FAM13A: variants seen among roughly 807,000 people sequenced by gnomAD.
FAM13A encodes the protein protein FAM13A.
Under a neutral mutation model 129.6 loss-of-function variants are expected in FAM13A, and 76 were observed. That is an observed-to-expected ratio of 0.59 (90% CI 0.49 to 0.71). FAM13A has a LOEUF of 0.71. Among genes scored for constraint, FAM13A ranks in the 30% least tolerant of loss-of-function variants. The pLI is 0.00. For missense variants in FAM13A, 1,108 were observed against 1,249.3 expected (o/e 0.89, Z 1.70); for synonymous variants, 443 against 449.9 (o/e 0.98, Z 0.20).
chr4:88,919,214 T>C (rs975340235), intron 5 of FAM13A, among the ~76,000 whole-genome samples: 3 of 152,234 alleles, frequency 2.0e-5, no homozygotes, highest in African/African-American at 4.8e-5. Flanking sequence ...AAACCTGGTA[T>C]TGAGCAGATG....
At chr4:89,028,771 T>C (rs1461610802) in intron 2 of FAM13A, among the ~76,000 whole-genome samples, 5 of 137,986 alleles carry the variant, frequency 3.6e-5, no homozygotes, top group South Asian at 2.4e-4. Context: ...TTAAAGTACA[T>C]AAAAAAAAAA....
chr4:88,999,648 T>C (rs1242740575), intron 3 of FAM13A, among the ~76,000 whole-genome samples: 2 of 152,160 alleles, frequency 1.3e-5, no homozygotes, highest in East Asian at 1.9e-4. Context: ...TGTAAGTGGA[T>C]TTGGTGCCAT....
chr4:88,969,671 A>G (rs73843734), intron 4 of FAM13A, among the ~76,000 whole-genome samples: 246 of 152,318 alleles, frequency 1.6e-3, no homozygotes, highest in African/African-American at 5.6e-3. Context: ...ACATTTACTG[A>G]GTGTATACTA....
chr4:89,042,988 C>T (rs1016037889), intron 1 of FAM13A, among the ~76,000 whole-genome samples: 12 of 152,050 alleles, frequency 7.9e-5, no homozygotes, highest in African/African-American at 1.4e-4. Context: ...CAGATGAAGA[C>T]GATGAAGTAA....
At chr4:88,776,384 T>C (rs1329240208) in intron 11 of FAM13A, among the ~76,000 whole-genome samples, 1 of 152,220 alleles carries the variant, frequency 6.6e-6, no homozygotes, top group African/African-American at 2.4e-5. Context: ...CTATGCCTAA[T>C]TGTCCTCATG....
chr4:88,798,179 C>T (rs1165700972), intron 8 of FAM13A, among the ~76,000 whole-genome samples: 1 of 152,168 alleles, frequency 6.6e-6, no homozygotes, highest in Non-Finnish European at 1.5e-5. Flanking sequence ...CTTAGGTGGA[C>T]TTGCTTTTTG....
intron 3 of FAM13A, among the ~76,000 whole-genome samples, chr4:88,996,297 C>G (rs1465853984): frequency 6.6e-6 from 1 of 152,182 alleles, no homozygotes; most frequent in Non-Finnish European, 1.5e-5. Context: ...ACCACTCCGG[C>G]TGCTCTGCTG....
At chr4:88,892,340 T>C (rs1044916358) in intron 6 of FAM13A, among the ~76,000 whole-genome samples, 1 of 151,874 alleles carries the variant, frequency 6.6e-6, no homozygotes, top group African/African-American at 2.4e-5. Context: ...CCACCACGCC[T>C]GGCTAATTTT....
intron 1 of FAM13A, among the ~76,000 whole-genome samples, chr4:89,035,190 G>A (rs1422404005): frequency 6.6e-6 from 1 of 152,060 alleles, no homozygotes; most frequent in Non-Finnish European, 1.5e-5. Flanking sequence ...GAAAAAGGGA[G>A]GAGAGAGGGA....
At chr4:88,952,218 T>C (rs2148880519) in intron 4 of FAM13A, among the ~76,000 whole-genome samples, 1 of 152,208 alleles carries the variant, frequency 6.6e-6, no homozygotes, top group South Asian at 2.1e-4. Flanking sequence ...ACCAGAATGC[T>C]TCCAAATGGG....
chr4:89,053,672 C>G (rs1320689749), intron 1 of FAM13A, among the ~76,000 whole-genome samples: 3 of 152,098 alleles, frequency 2.0e-5, no homozygotes, highest in Non-Finnish European at 2.9e-5. Flanking sequence ...GGGGACAAAT[C>G]AGGTGGGGTG....
At chr4:88,856,995 GATTT>G (rs1561177615) in intron 6 of FAM13A, among the ~76,000 whole-genome samples, 1 of 152,152 alleles carries the variant, frequency 6.6e-6, no homozygotes, top group Non-Finnish European at 1.5e-5. Context: ...CCAAAAAAGA[GATTT>G]GTTTACTAAA....
intron 7 of FAM13A, among the ~76,000 whole-genome samples, chr4:88,832,074 A>G (rs4425336): frequency 0.22 from 33,538 of 152,014 alleles, 4,534 homozygotes; most frequent in East Asian, 0.58. Flanking sequence ...GAACTCAGAA[A>G]TAACATTGCA....
intron 4 of FAM13A, among the ~76,000 whole-genome samples, chr4:88,957,754 G>A (rs1757981236): frequency 6.6e-6 from 1 of 152,206 alleles, no homozygotes; most frequent in African/African-American, 2.4e-5. Context: ...GAAGGTCAGG[G>A]AAATGAGATC....
intron 7 of FAM13A, chr4:88,823,389 T>C: frequency 1.1e-6 from 1 of 939,416 alleles, no homozygotes; most frequent in Non-Finnish European, 1.3e-6. Flanking sequence ...TTCCTCCTCC[T>C]CCTTCTCTCC....
intron 6 of FAM13A, among the ~76,000 whole-genome samples, chr4:88,888,342 C>A (rs1348265260): frequency 2.0e-5 from 3 of 152,136 alleles, no homozygotes; most frequent in African/African-American, 7.2e-5. Context: ...CTGTATTTCC[C>A]AGAATCTTCT....
In FAM13A at chr4:89,006,577, T is replaced by A. The variant is rs1231250410; in HGVS notation, c.427+13883A>T. Among the ~76,000 whole-genome samples the A allele has an allele frequency of 2.0e-5, 3 of 152,142 alleles. No individual in the cohort carries two copies. In the South Asian group the frequency reaches 6.2e-4, roughly 31 times the overall value. On this transcript the variant is annotated intron_variant, in intron 3 of 23. Transcript: ENST00000264344. ...ACCCCCAAGGTAGCGTCTAGGGGTA[T>A]GTTACAATTAATGGTCTTTTAGCAG...
chr4:88,997,431 T>C (rs933322855), intron 3 of FAM13A, among the ~76,000 whole-genome samples: 2 of 152,108 alleles, frequency 1.3e-5, no homozygotes, highest in Non-Finnish European at 2.9e-5. Flanking sequence ...ATTCAAACAT[T>C]CAACTAGCAC....
intron 1 of FAM13A, among the ~76,000 whole-genome samples, chr4:89,036,090 T>A (rs1227224052): frequency 2.0e-5 from 3 of 152,188 alleles, no homozygotes; most frequent in Non-Finnish European, 2.9e-5. Context: ...TGGGTAATGT[T>A]CAGCGGTTGG....
Sources: gnomAD v4.1 joint callset for allele counts (sites outside exome capture counted in the v4.1 genomes callset) on GRCh38, gnomAD v4.1.1 for gene constraint, MANE v1.5 for transcripts, NCBI Gene and HGNC (gene_info 2026-07-23, HGNC 2026-07-21) for gene names.